The following HECW1 variants were observed in gnomAD, a reference collection of about 807,000 sequenced individuals.
The protein encoded by HECW1 is E3 ubiquitin-protein ligase HECW1.
HECW1 carries 61 observed loss-of-function variants against 182.3 expected under a neutral mutation model. The observed-to-expected ratio is 0.33, with a 90% CI of 0.27 to 0.41. HECW1 has a LOEUF of 0.41. HECW1 is among the 10% of genes least tolerant of loss of function. The pLI is 1.00. For missense variants in HECW1, 1,739 were observed against 2,108.9 expected (o/e 0.82, Z 3.44); for synonymous variants, 859 against 832.6 (o/e 1.03, Z -0.55).
Position 43,543,791 on chromosome 7 carries a change from A to G in HECW1, c.4248+1793A>G, listed in dbSNP as rs576240856. 4.5e-4 allele frequency among the ~76,000 whole-genome samples: 68 copies of G among 151,674 alleles called. No individual in the cohort carries two copies. In the East Asian group the frequency reaches 0.01, roughly 23 times the overall value. On this transcript the variant is annotated intron_variant, in intron 26 of 29. Coordinates refer to ENST00000395891, the MANE Select transcript of HECW1 (RefSeq NM_015052.5). ...CAAAACTCCATCTCACAAAAAAAAA[A>G]AAAAAAAGAAAAAAAAAGAAAACTA... is the stretch of plus-strand genomic sequence containing the variant.
chr7:43,321,750 T>A (rs1274939193), intron 5 of HECW1, among the ~76,000 whole-genome samples: 1 of 152,208 alleles, frequency 6.6e-6, no homozygotes, highest in South Asian at 2.1e-4. Flanking sequence ...AAAAACTATA[T>A]CCTCAAGTAT....
intron 17 of HECW1, among the ~76,000 whole-genome samples, chr7:43,482,304 A>G (rs2078467399): frequency 1.3e-5 from 2 of 152,244 alleles, no homozygotes; most frequent in East Asian, 3.8e-4. Flanking sequence ...CCTAGGGATA[A>G]GGAGACAGAG....
At chr7:43,373,145 A>G (rs2074179656) in intron 6 of HECW1, among the ~76,000 whole-genome samples, 1 of 151,508 alleles carries the variant, frequency 6.6e-6, no homozygotes, top group Admixed American at 6.6e-5. Flanking sequence ...CACTGCAGGC[A>G]TCACAGTGAG....
chr7:43,508,782 C>A, intron 23 of HECW1, 187 bp from the exon 24 acceptor site: 1 of 631,594 alleles, frequency 1.6e-6, no homozygotes, highest in Non-Finnish European at 2.8e-6. Context: ...ATCTCCAAAC[C>A]AATTACTGCA....
At chr7:43,334,516 G>A (rs3886967) in intron 5 of HECW1, among the ~76,000 whole-genome samples, 76,585 of 151,860 alleles carry the variant, frequency 0.5, 19,816 homozygotes, top group African/African-American at 0.62. Context: ...ACCCTTATCC[G>A]TTGCAGCAGC....
chr7:43,274,419 G>C (rs937972548), intron 3 of HECW1: 50 of 635,732 alleles, frequency 7.9e-5, no homozygotes, highest in Non-Finnish European at 1.3e-4. Flanking sequence ...ATGACTCCCG[G>C]AGCTGCACCC....
At chr7:43,365,526 A>T (rs1267584864) in intron 6 of HECW1, among the ~76,000 whole-genome samples, 1 of 152,214 alleles carries the variant, frequency 6.6e-6, no homozygotes, top group African/African-American at 2.4e-5. Context: ...ATGTGTAGTC[A>T]AAGATGTATT....
intron 2 of HECW1, among the ~76,000 whole-genome samples, chr7:43,196,413 AGT>A (rs1794463637): frequency 6.6e-6 from 1 of 152,222 alleles, no homozygotes; most frequent in South Asian, 2.1e-4. Context: ...TATTTCAATC[AGT>A]GTCTAGGGTT....
At position 43,262,345 on chromosome 7, in the gene HECW1, A is replaced by T. The variant is rs554525099; in HGVS notation, c.27+18413A>T. On this transcript the variant is annotated intron_variant, in intron 3 of 29. Transcript: ENST00000395891. ...CTATAATTCATTGAATGATATCTGTATATCAGCCACTTTATAGATTTCATC... is the reference window on the plus strand; with the variant it reads ...CTATAATTCATTGAATGATATCTGTTTATCAGCCACTTTATAGATTTCATC... Among the ~76,000 whole-genome samples, 5 of 152,280 alleles carry T rather than the reference A, an allele frequency of 3.3e-5. No individual in the cohort carries two copies. The East Asian group carries it at 9.6e-4, about 29-fold the overall frequency.
At chr7:43,211,278 A>G (rs912996110) in intron 2 of HECW1, among the ~76,000 whole-genome samples, 3 of 152,136 alleles carry the variant, frequency 2.0e-5, no homozygotes, top group African/African-American at 7.2e-5. Flanking sequence ...GAAAAATCCA[A>G]CCTTTACCAT....
chr7:43,233,286 T>C (rs1365696431), intron 2 of HECW1, among the ~76,000 whole-genome samples: 2 of 152,226 alleles, frequency 1.3e-5, no homozygotes, highest in Non-Finnish European at 2.9e-5. Context: ...ACATAATTTA[T>C]TTAGTCTCCA....
chr7:43,335,985 C>T (rs12702031), intron 5 of HECW1, among the ~76,000 whole-genome samples: 2 of 132,864 alleles, frequency 1.5e-5, no homozygotes, highest in East Asian at 4.1e-4. Flanking sequence ...CTCTCTCTTT[C>T]TCTCTCTCTC....
At chr7:43,148,096 T>C (rs1311335700) in intron 2 of HECW1, among the ~76,000 whole-genome samples, 1 of 152,130 alleles carries the variant, frequency 6.6e-6, no homozygotes, top group Non-Finnish European at 1.5e-5. Context: ...TGGATTTGTG[T>C]GTAGGGAGTG....
At chr7:43,512,803 A>G (rs1412798728) in intron 24 of HECW1, among the ~76,000 whole-genome samples, 1 of 152,188 alleles carries the variant, frequency 6.6e-6, no homozygotes, top group African/African-American at 2.4e-5. Flanking sequence ...TTTAATGCCT[A>G]GCAAAAATCC....
At chr7:43,155,319 C>T (rs182671545) in intron 2 of HECW1, among the ~76,000 whole-genome samples, 22 of 152,042 alleles carry the variant, frequency 1.4e-4, no homozygotes, top group Admixed American at 1.0e-3. Context: ...AAACAATAAA[C>T]AGAGAATATA....
chr7:43,225,802 T>G (rs79243585), intron 2 of HECW1, among the ~76,000 whole-genome samples: 22 of 152,238 alleles, frequency 1.4e-4, no homozygotes, highest in Admixed American at 2.6e-4. Context: ...TTTTTTTTTT[T>G]GGGACAGGGT....
chr7:43,540,939 A>G (rs1167224876), intron 24 of HECW1, among the ~76,000 whole-genome samples: 1 of 152,204 alleles, frequency 6.6e-6, no homozygotes, highest in Non-Finnish European at 1.5e-5. Context: ...CGAGTCTGCT[A>G]CATGGCTGGA....
chr7:43,485,813 T>G (rs2078610036), intron 17 of HECW1, among the ~76,000 whole-genome samples: 1 of 152,340 alleles, frequency 6.6e-6, no homozygotes, highest in East Asian at 1.9e-4. Context: ...AGGACATTAC[T>G]GTACACTAAT....
At position 43,401,567 on chromosome 7, in the gene HECW1, G is replaced by GTTTTTTTT. The variant is rs10574466; in HGVS notation, c.631+4690_631+4697dup. The stretch of plus-strand genomic sequence containing the variant: ...ACCTAGACAAATCTCATTTAAAAAG[G>GTTTTTTTT]TTTTTTTTTTTTTTTTTTTCCCCCA... On this transcript the variant is annotated intron_variant, in intron 7 of 29. Transcript: ENST00000395891. 1.5e-4 allele frequency among the ~76,000 whole-genome samples: 18 copies of GTTTTTTTT among 123,200 alleles called. 1 individual carries two copies. The highest frequency in any genetic ancestry group is 2.6e-4 in the Non-Finnish European group (16 of 60,636). The allele number at this position is 123,200 out of a possible 152,430, so 80.8% of individuals were successfully genotyped here.
Sources: allele counts gnomAD v4.1 joint callset (sites outside exome capture counted in the v4.1 genomes callset), GRCh38; gene constraint gnomAD v4.1.1; transcripts MANE v1.5; gene names NCBI Gene and HGNC (gene_info 2026-07-23, HGNC 2026-07-21).